PCDHA2: variants seen among roughly 807,000 people sequenced by gnomAD.
The protein encoded by PCDHA2 is protocadherin alpha 2.
Under a neutral mutation model 66.0 loss-of-function variants are expected in PCDHA2, and 58 were observed. The observed-to-expected ratio is 0.88, with a 90% CI of 0.71 to 1.09. The LOEUF is 1.09. PCDHA2 is among the 50% of genes least tolerant of loss of function. PCDHA2 has a pLI of 0.00. For synonymous variants in PCDHA2, 634 were observed against 554.0 expected (o/e 1.14, Z -2.03); for missense variants, 1,267 against 1,242.3 (o/e 1.02, Z -0.30).
chr5:140,857,774 G>A (rs554890390), intron 1 of PCDHA2: 8 of 1,597,758 alleles, frequency 5.0e-6, no homozygotes, highest in Admixed American at 1.7e-5. Context: ...GGGCGGTGCA[G>A]TCAGTGAGCT....
chr5:140,927,235 C>T (rs1478545930), intron 1 of PCDHA2: 7 of 1,614,034 alleles, frequency 4.3e-6, no homozygotes, highest in Non-Finnish European at 5.9e-6. Flanking sequence ...GATTCACGTC[C>T]TGGACACCAA....
At chr5:140,930,003 A>G (rs1440351209) in intron 1 of PCDHA2, 1 of 152,218 alleles carries the variant, frequency 6.6e-6, no homozygotes, top group Non-Finnish European at 1.5e-5. Flanking sequence ...ACCCTAAAAC[A>G]TAGCTGATAG....
intron 1 of PCDHA2, among the ~76,000 whole-genome samples, chr5:140,904,727 A>G (rs953402398): frequency 7.2e-5 from 11 of 151,992 alleles, no homozygotes; most frequent in African/African-American, 2.4e-4. Flanking sequence ...GCCAACATCT[A>G]TTATTTTTTT....
chr5:140,921,941 A>G (rs1294349868), intron 1 of PCDHA2, among the ~76,000 whole-genome samples: 1 of 152,068 alleles, frequency 6.6e-6, no homozygotes, highest in Non-Finnish European at 1.5e-5. Context: ...ATAATTTTAC[A>G]CTTGTAAAAT....
At chr5:140,843,795 T>C in intron 1 of PCDHA2, 2 of 1,353,268 alleles carry the variant, frequency 1.5e-6, no homozygotes, top group Non-Finnish European at 2.0e-6. Flanking sequence ...AGATTTAGTT[T>C]TTCACCGTAT....
chr5:140,920,972 T>C (rs246075), intron 1 of PCDHA2, among the ~76,000 whole-genome samples: 86,063 of 151,854 alleles, frequency 0.57, 25,081 homozygotes, highest in African/African-American at 0.71. Flanking sequence ...TACTAGAGTA[T>C]AATATTGTAT....
intron 1 of PCDHA2, among the ~76,000 whole-genome samples, chr5:140,901,280 T>G (rs1554189719): frequency 1.3e-5 from 2 of 152,132 alleles, no homozygotes. Context: ...CTCAAGAAAT[T>G]TTTGCCCAGA....
chr5:140,805,437 T>G (rs930579494), intron 1 of PCDHA2: 5 of 1,050,890 alleles, frequency 4.8e-6, no homozygotes, highest in Non-Finnish European at 5.7e-6. Context: ...GTTTTGGTTT[T>G]TGTGTGTGTG....
intron 1 of PCDHA2, chr5:140,829,267 C>T (rs2150164900): frequency 1.5e-5 from 24 of 1,614,242 alleles, no homozygotes; most frequent in East Asian, 2.2e-5. Flanking sequence ...TGACGCCTCA[C>T]GTCCCTTTCA....
rs782195215 is a variant in PCDHA2 at position 140,856,375 on chromosome 5, G to A, written c.2388+59023G>A. The stretch of plus-strand genomic sequence containing the variant: ...GCAGCATCCACCTGGAGGTGATCGT[G>A]GACAGGCCGCTGCAGGTTTTCCATG... On this transcript the variant is annotated intron_variant, in intron 1 of 3. Transcript: ENST00000526136. The A allele has an allele frequency of 1.9e-5, 30 of 1,598,518 alleles. 2 individuals are homozygous for A. The highest frequency in any genetic ancestry group is 2.5e-5 in the Non-Finnish European group (29 of 1,167,968).
intron 1 of PCDHA2, chr5:140,856,650 G>A (rs2044132398): frequency 1.3e-6 from 2 of 1,598,026 alleles, no homozygotes; most frequent in African/African-American, 2.7e-5. Flanking sequence ...CTGCTGGATC[G>A]TGAAGAAAAT....
chr5:140,917,313 T>C (rs1294382574), intron 1 of PCDHA2, among the ~76,000 whole-genome samples: 12 of 132,588 alleles, frequency 9.1e-5, no homozygotes, highest in African/African-American at 3.0e-4. Flanking sequence ...TACAATTTGG[T>C]GTTCATGTGG....
chr5:140,823,275 G>A lies in PCDHA2; in HGVS notation c.2388+25923G>A, dbSNP rs2150124243. The stretch of plus-strand genomic sequence containing the variant: ...CGCTGGTGGAGCGGCGGGTGGGCGA[G>A]CGCCCGCTGTCGAGTTACGTTTCGG... On this transcript the variant is annotated intron_variant, in intron 1 of 3. Coordinates refer to ENST00000526136, the MANE Select transcript of PCDHA2 (RefSeq NM_018905.3). 9.9e-6 allele frequency: 16 copies of A among 1,612,480 alleles called. No homozygotes were observed. The East Asian group carries it at 1.6e-4, about 16-fold the overall frequency.
intron 3 of PCDHA2, among the ~76,000 whole-genome samples, chr5:140,985,476 T>C (rs1554247100): frequency 6.6e-6 from 1 of 152,162 alleles, no homozygotes; most frequent in Admixed American, 6.6e-5. Flanking sequence ...ATTTGGTTGT[T>C]TCCAGACTCA....
intron 1 of PCDHA2, among the ~76,000 whole-genome samples, chr5:140,951,339 G>A (rs246043): frequency 0.56 from 85,609 of 151,878 alleles, 24,748 homozygotes; most frequent in African/African-American, 0.69. Context: ...TTCTGTTTGT[G>A]TTAGTCCATT....
intron 1 of PCDHA2, chr5:140,969,353 C>T (rs781980010): frequency 3.7e-6 from 6 of 1,612,562 alleles, no homozygotes; most frequent in Non-Finnish European, 4.2e-6. Context: ...GTCAGGGGGT[C>T]TTCTACAAAC....
At chr5:140,807,922 C>A (rs1554124344) in intron 1 of PCDHA2, 7 of 1,613,988 alleles carry the variant, frequency 4.3e-6, no homozygotes, top group East Asian at 2.2e-5. Flanking sequence ...TTGACAGAAC[C>A]ATTTATAAGG....
chr5:140,902,203 CTTTTTTT>C (rs148688132), intron 1 of PCDHA2, among the ~76,000 whole-genome samples: 3 of 124,458 alleles, frequency 2.4e-5, no homozygotes, highest in African/African-American at 3.1e-5. Flanking sequence ...CTCTCTCTTT[CTTTTTTT>C]TTTTTTTTTT....
rs375705333 is a variant in PCDHA2 at position 140,927,955 on chromosome 5, C to T, written c.2389-50994C>T. On this transcript the variant is annotated intron_variant, in intron 1 of 3. Coordinates refer to ENST00000526136, the MANE Select transcript of PCDHA2 (RefSeq NM_018905.3). ...GAACCCAGTACCTGAGGACGCTGCC[C>T]CTGGCACAGTGATTGCTCTCTTTAG... 34 of 1,614,198 alleles carry T rather than the reference C, an allele frequency of 2.1e-5. 1 individual carries two copies. In the Middle Eastern group the frequency reaches 9.9e-4, roughly 47 times the overall value.
Sources: allele counts gnomAD v4.1 joint callset (sites outside exome capture counted in the v4.1 genomes callset), GRCh38; gene constraint gnomAD v4.1.1; transcripts MANE v1.5; gene names NCBI Gene and HGNC (gene_info 2026-07-23, HGNC 2026-07-21).